The following WWC2 variants were observed in gnomAD, a reference collection of about 807,000 sequenced individuals.
WWC2 encodes the protein protein WWC2.
In WWC2, 101 loss-of-function variants were observed where a neutral mutation model predicts 138.5. The ratio of observed to expected loss-of-function variants is 0.73; its 90% CI spans 0.62 to 0.86. The LOEUF is 0.86. Ranked by LOEUF, WWC2 falls within the 40% of genes least tolerant of loss-of-function variation. The pLI is 0.00. For synonymous variants in WWC2, 558 were observed against 538.4 expected, an observed-to-expected ratio of 1.04 and a Z score of -0.50; for missense variants, 1,420 against 1,419.4, an observed-to-expected ratio of 1.00 and a Z score of -0.01.
intron 1 of WWC2, among the ~76,000 whole-genome samples, chr4:183,161,682 G>A (rs147922598): frequency 2.9e-4 from 44 of 152,134 alleles, no homozygotes; most frequent in African/African-American, 4.1e-4. Context: ...TTACCATTGC[G>A]TTACAGTTGC....
chr4:183,103,968 C>CT (rs1366297165), intron 1 of WWC2, among the ~76,000 whole-genome samples: 10 of 150,594 alleles, frequency 6.6e-5, no homozygotes, highest in South Asian at 4.2e-4. Flanking sequence ...TAAGTAATTT[C>CT]TTTTTTTTTG....
intron 4 of WWC2, among the ~76,000 whole-genome samples, chr4:183,221,644 A>T (rs1290930710): frequency 6.6e-6 from 1 of 152,224 alleles, no homozygotes; most frequent in Non-Finnish European, 1.5e-5. Flanking sequence ...ATACTTCTCA[A>T]TAATTCATTG....
intron 21 of WWC2, among the ~76,000 whole-genome samples, chr4:183,297,689 C>T (rs1481664949): frequency 1.3e-5 from 2 of 152,186 alleles, no homozygotes; most frequent in South Asian, 2.1e-4. Context: ...GGATTACAGG[C>T]GTGAGCCACC....
chr4:183,193,445 T>C (rs992408584), intron 1 of WWC2, among the ~76,000 whole-genome samples, 154 bp from the exon 2 acceptor site: 5 of 152,190 alleles, frequency 3.3e-5, no homozygotes, highest in Admixed American at 2.0e-4. Flanking sequence ...CTTGTCCTAC[T>C]TTTTTGGATA....
intron 12 of WWC2, 77 bp from the exon 13 acceptor site, chr4:183,265,611 C>G (rs747753214): frequency 7.1e-6 from 10 of 1,416,680 alleles, no homozygotes; most frequent in Non-Finnish European, 8.8e-6. Flanking sequence ...CATTCAGAAT[C>G]ACTAAGTGGC....
At chr4:183,209,259 G>GT (rs917803498) in intron 4 of WWC2, among the ~76,000 whole-genome samples, 1 of 152,006 alleles carries the variant, frequency 6.6e-6, no homozygotes, top group Admixed American at 6.6e-5. Flanking sequence ...TTGTTTGTTT[G>GT]TTTTTTTGAG....
rs557522494 is a variant in WWC2, at chr4:183,170,490, C to T, written c.132-23109C>T. ...GGTGGGGTAAAGAGGAAAGCACTTT[C>T]GAGGAGAGCAGGCTTGGGAACATGT... is the stretch of plus-strand genomic sequence containing the variant. On this transcript the variant is annotated intron_variant, in intron 1 of 22. Coordinates refer to ENST00000403733, the MANE Select transcript of WWC2 (RefSeq NM_024949.6). Among the ~76,000 whole-genome samples, 17 of 152,112 alleles carry T rather than the reference C, an allele frequency of 1.1e-4. 1 individual carries two copies. The highest frequency in any genetic ancestry group is 3.9e-4 in the East Asian group (2 of 5,170).
intron 1 of WWC2, among the ~76,000 whole-genome samples, chr4:183,129,704 T>C (rs1732863953): frequency 6.6e-6 from 1 of 152,222 alleles, no homozygotes; most frequent in African/African-American, 2.4e-5. Flanking sequence ...ACCCATCAAA[T>C]GTTTGGGTAT....
chr4:183,173,740 G>A (rs1223882119), intron 1 of WWC2, among the ~76,000 whole-genome samples: 3 of 152,204 alleles, frequency 2.0e-5, no homozygotes, highest in Non-Finnish European at 2.9e-5. Context: ...CCAGCTGCCC[G>A]GGGATTCATC....
rs1447829590 is a variant in WWC2 at position 183,261,214 on chromosome 4, G to T, written c.1591G>T (p.Gly531Cys). The change falls in exon 11 of 23, where the codon GGC becomes TGC. Residue 531 changes from glycine (G) to cysteine (C), a missense_variant. Gly to Cys is a radical substitution (Grantham distance 159). Transcript: ENST00000403733. ...CTGTGGAGTGGCAGCTGCAGCAACA[G>T]GCCACACTCCTCCACTGGCTGAGGC... The part of the protein sequence containing the change: ...GLCGVAAAAT[G>C]HTPPLAEAPK... 2 of 1,612,442 alleles carry T rather than the reference G, an allele frequency of 1.2e-6. No homozygotes were observed. Among genetic ancestry groups the T allele is most frequent in the South Asian group, 2.2e-5 (2 of 90,838 alleles).
chr4:183,218,253 A>G (rs1560848671), intron 4 of WWC2, among the ~76,000 whole-genome samples: 3 of 152,176 alleles, frequency 2.0e-5, no homozygotes, highest in Non-Finnish European at 4.4e-5. Context: ...CAATAAGCAT[A>G]TGAAAAGATG....
At chr4:183,169,219 A>G (rs1243430768) in intron 1 of WWC2, among the ~76,000 whole-genome samples, 1 of 152,266 alleles carries the variant, frequency 6.6e-6, no homozygotes, top group Non-Finnish European at 1.5e-5. Flanking sequence ...TCAGTTAGGT[A>G]TAAACTTACA....
intron 16 of WWC2, among the ~76,000 whole-genome samples, chr4:183,273,493 G>T (rs1056305367): frequency 6.6e-6 from 1 of 151,884 alleles, no homozygotes; most frequent in Non-Finnish European, 1.5e-5. Context: ...TAGTAGAGAC[G>T]GGGTTTCTCC....
At chr4:183,311,907 G>A (rs1196340806) in intron 21 of WWC2, among the ~76,000 whole-genome samples, 2 of 152,000 alleles carry the variant, frequency 1.3e-5, no homozygotes, top group African/African-American at 2.4e-5. Flanking sequence ...TAAATTCTAC[G>A]TTAAATAAAC....
intron 20 of WWC2, 139 bp downstream of exon 20, chr4:183,286,198 C>A: frequency 1.3e-6 from 1 of 756,888 alleles, no homozygotes; most frequent in Non-Finnish European, 2.2e-6. Flanking sequence ...CTGGGATACA[C>A]AGAGACGCAG....
chr4:183,282,978 TG>T (rs1160025391), intron 18 of WWC2, 72 bp downstream of exon 18: 1 of 1,410,158 alleles, frequency 7.1e-7, no homozygotes, highest in African/African-American at 1.4e-5. Context: ...GATGCTTGTT[TG>T]TCTCCTTAGG....
intron 2 of WWC2, among the ~76,000 whole-genome samples, chr4:183,194,390 CTCTA>C (rs955533784): frequency 3.2e-4 from 48 of 152,130 alleles, no homozygotes; most frequent in African/African-American, 8.0e-4. Flanking sequence ...ATATCTAGCA[CTCTA>C]TCTACTCCTT....
rs1297642081 is a variant in WWC2 at position 183,113,501 on chromosome 4, T to C, written c.131+13879T>C. Among the ~76,000 whole-genome samples the C allele has an allele frequency of 4.0e-5, 6 of 149,532 alleles. No individual in the cohort carries two copies. In the East Asian group the frequency reaches 1.0e-3, roughly 25 times the overall value. On this transcript the variant is annotated intron_variant, in intron 1 of 22. Coordinates refer to ENST00000403733, the MANE Select transcript of WWC2 (RefSeq NM_024949.6). ...GGGCCTGTGTGTGTGTGTGTGTGTGTGTGTGTGTGTGTGTGCGCGCGCGTG... is the reference window on the plus strand; with the variant it reads ...GGGCCTGTGTGTGTGTGTGTGTGTGCGTGTGTGTGTGTGTGCGCGCGCGTG...
At chr4:183,162,764 C>T (rs1038604458) in intron 1 of WWC2, among the ~76,000 whole-genome samples, 2 of 152,148 alleles carry the variant, frequency 1.3e-5, no homozygotes, top group African/African-American at 4.8e-5. Flanking sequence ...CCTCCCCTTC[C>T]AGCATCATCA....
Sources: gnomAD v4.1 joint callset for allele counts (sites outside exome capture counted in the v4.1 genomes callset) on GRCh38, gnomAD v4.1.1 for gene constraint, MANE v1.5 for transcripts, NCBI Gene and HGNC (gene_info 2026-07-23, HGNC 2026-07-21) for gene names.